CCSER1: variants seen among roughly 807,000 people sequenced by gnomAD.
CCSER1 encodes coiled-coil serine rich protein 1.
In CCSER1, 41 loss-of-function variants were observed where a neutral mutation model predicts 82.0. That is an observed-to-expected ratio of 0.50 (90% CI 0.39 to 0.65). The LOEUF (loss-of-function observed/expected upper bound fraction) is 0.65. Ranked by LOEUF, CCSER1 falls within the 30% of genes least tolerant of loss-of-function variation. The probability of loss-of-function intolerance (pLI) is 0.00; values close to 1 mark genes in which losing one functional copy is unlikely to be tolerated. For missense variants in CCSER1, 1,119 were observed against 1,064.2 expected (o/e 1.05, Z -0.72); for synonymous variants, 414 against 383.9 (o/e 1.08, Z -0.92).
intron 10 of CCSER1, among the ~76,000 whole-genome samples, chr4:91,454,962 C>T (rs749556311): frequency 6.6e-6 from 1 of 152,038 alleles, no homozygotes; most frequent in Non-Finnish European, 1.5e-5. Context: ...TGAATTTCTT[C>T]ATTTGTTTAA....
At chr4:90,318,358 T>TACTC (rs531255564) in intron 3 of CCSER1, among the ~76,000 whole-genome samples, 46 of 152,348 alleles carry the variant, frequency 3.0e-4, no homozygotes, top group African/African-American at 9.9e-4. Context: ...ATCTTCAGAT[T>TACTC]ACTCAGCAAA....
At position 90,656,513 on chromosome 4, in the gene CCSER1, CTTTTA is replaced by C. The variant is rs547940596; in HGVS notation, c.1932+28286_1932+28290del. 1.6e-4 allele frequency among the ~76,000 whole-genome samples: 24 copies of C among 151,712 alleles called. No homozygotes were observed. The East Asian group carries it at 3.5e-3, about 22-fold the overall frequency. Reference sequence around the variant, plus strand: ...ATTTGTGCGATATCTATTTTCCATTCTTTTATTTTTGTTTTTCTGCATTTGCTCAT... The same window carrying C: ...ATTTGTGCGATATCTATTTTCCATTCTTTTTGTTTTTCTGCATTTGCTCAT... On this transcript the variant is annotated intron_variant, in intron 6 of 10. Transcript: ENST00000509176.
At chr4:90,219,832 A>G (rs567886671) in intron 1 of CCSER1, among the ~76,000 whole-genome samples, 1 of 152,292 alleles carries the variant, frequency 6.6e-6, no homozygotes, top group East Asian at 1.9e-4. Flanking sequence ...AAATGCTAGA[A>G]CTCTGAGTCT....
intron 6 of CCSER1, chr4:90,663,925 T>G (rs1219971642): frequency 6.4e-6 from 2 of 310,340 alleles, no homozygotes; most frequent in Non-Finnish European, 1.4e-5. Flanking sequence ...GTGAAGCTAA[T>G]GCTTAAGAAT....
At chr4:90,938,716 C>T (rs1248894641) in intron 9 of CCSER1, 1 of 389,960 alleles carries the variant, frequency 2.6e-6, no homozygotes, top group Non-Finnish European at 5.3e-6. Flanking sequence ...TTATTTAAAC[C>T]AGTACTTATT....
At chr4:91,347,861 GTT>G (rs60531921) in intron 10 of CCSER1, among the ~76,000 whole-genome samples, 1 of 148,866 alleles carries the variant, frequency 6.7e-6, no homozygotes. Flanking sequence ...AGTGCCAGTA[GTT>G]TTTTTTTTGT....
chr4:90,424,751 A>G (rs938813109), intron 4 of CCSER1, among the ~76,000 whole-genome samples: 3 of 152,188 alleles, frequency 2.0e-5, no homozygotes, highest in African/African-American at 7.2e-5. Flanking sequence ...GTGCACATAC[A>G]TGTATTTCAT....
chr4:91,107,492 T>C (rs1301809934), intron 10 of CCSER1, among the ~76,000 whole-genome samples: 1 of 152,166 alleles, frequency 6.6e-6, no homozygotes, highest in Non-Finnish European at 1.5e-5. Flanking sequence ...CCTGACCTCG[T>C]GATCCACCCG....
intron 10 of CCSER1, among the ~76,000 whole-genome samples, chr4:91,397,847 A>T (rs1293608660): frequency 6.6e-6 from 1 of 152,040 alleles, no homozygotes; most frequent in African/African-American, 2.4e-5. Flanking sequence ...TAACAGAATA[A>T]CATGAAATGA....
rs868808271 is a variant in CCSER1, at chr4:90,932,933, A to G, written c.2172+9486A>G. On this transcript the variant is annotated intron_variant, in intron 9 of 10. Transcript: ENST00000509176. The stretch of plus-strand genomic sequence containing the variant: ...GAGAAAGAAAGAAAGAAAGAAAGAA[A>G]GAAAGAAAGAAAGAAAGAAAGAAAG... Among the ~76,000 whole-genome samples, 120 of 32,946 alleles carry G rather than the reference A, an allele frequency of 3.6e-3. 36 individuals are homozygous for G. Among genetic ancestry groups the G allele is most frequent in the Non-Finnish European group, 5.1e-3 (96 of 18,868 alleles). The allele number at this position is 32,946 out of a possible 152,430, so 21.6% of individuals were successfully genotyped here.
chr4:91,165,292 G>A (rs1001839390), intron 10 of CCSER1, among the ~76,000 whole-genome samples: 2 of 152,168 alleles, frequency 1.3e-5, no homozygotes, highest in African/African-American at 4.8e-5. Flanking sequence ...TTTCAGAACA[G>A]CAAATACTGC....
intron 4 of CCSER1, among the ~76,000 whole-genome samples, chr4:90,406,368 C>T (rs930041314): frequency 1.3e-5 from 2 of 152,062 alleles, no homozygotes; most frequent in African/African-American, 2.4e-5. Flanking sequence ...AAAACAATTA[C>T]AATTAGACCT....
intron 6 of CCSER1, among the ~76,000 whole-genome samples, chr4:90,667,573 A>G (rs1732036673): frequency 6.6e-6 from 1 of 152,020 alleles, no homozygotes; most frequent in South Asian, 2.1e-4. Context: ...ACTCCCACTT[A>G]CGAGTGAGAG....
intron 10 of CCSER1, among the ~76,000 whole-genome samples, chr4:91,226,829 A>G (rs907195067): frequency 2.0e-5 from 3 of 151,926 alleles, no homozygotes; most frequent in African/African-American, 7.2e-5. Flanking sequence ...TTAGAGCATT[A>G]TATACTTTCA....
chr4:90,793,029 T>TA (rs1561144686), intron 7 of CCSER1, among the ~76,000 whole-genome samples: 4 of 152,162 alleles, frequency 2.6e-5, no homozygotes. Flanking sequence ...AGGCAGCATT[T>TA]AAAAAATAAA....
intron 6 of CCSER1, among the ~76,000 whole-genome samples, chr4:90,691,504 G>GTA (rs1213652142): frequency 6.6e-6 from 1 of 151,536 alleles, no homozygotes; most frequent in Non-Finnish European, 1.5e-5. Flanking sequence ...ATAAACGTGT[G>GTA]TATATATTAC....
At chr4:90,327,580 C>A (rs1183905025) in intron 3 of CCSER1, among the ~76,000 whole-genome samples, 1 of 152,224 alleles carries the variant, frequency 6.6e-6, no homozygotes, top group Non-Finnish European at 1.5e-5. Context: ...TTGCCATACT[C>A]ATTTTCTCAC....
In CCSER1 at chr4:91,341,703, G is replaced by C. The variant is rs181261291; in HGVS notation, c.2217+255709G>C. 6.8e-3 allele frequency among the ~76,000 whole-genome samples: 1,033 copies of C among 152,182 alleles called. 11 individuals are homozygous for C. The highest frequency in any genetic ancestry group is 0.024 in the African/African-American group (988 of 41,538). ...GCTCCAGACATGCACTACCACCCCT[G>C]GCTAATTTTTGTATTTTTTGGTGGA... is the stretch of plus-strand genomic sequence containing the variant. On this transcript the variant is annotated intron_variant, in intron 10 of 10. Coordinates refer to ENST00000509176, the MANE Select transcript of CCSER1 (RefSeq NM_001145065.2).
chr4:91,218,486 C>T (rs970951644), intron 10 of CCSER1, among the ~76,000 whole-genome samples: 4 of 152,162 alleles, frequency 2.6e-5, no homozygotes, highest in African/African-American at 9.7e-5. Flanking sequence ...GGGGAGGTGC[C>T]GAGAGCAAGT....
Sources: allele counts gnomAD v4.1 joint callset (sites outside exome capture counted in the v4.1 genomes callset), GRCh38; gene constraint gnomAD v4.1.1; transcripts MANE v1.5; gene names NCBI Gene and HGNC (gene_info 2026-07-23, HGNC 2026-07-21).